Variants in PITRM1 observed in about 807,000 individuals in gnomAD.
The protein encoded by PITRM1 is pitrilysin metallopeptidase 1, also known as presequence protease, mitochondrial.
In PITRM1, 100 loss-of-function variants were observed where a neutral mutation model predicts 129.9. That is an observed-to-expected ratio of 0.77 (90% CI 0.65 to 0.91). The LOEUF is 0.91. Among genes scored for constraint, PITRM1 ranks in the 40% least tolerant of loss-of-function variants. PITRM1 has a pLI of 0.00. For missense variants in PITRM1, 1,471 were observed against 1,318.3 expected (o/e 1.12, Z -1.79); for synonymous variants, 591 against 508.8 (o/e 1.16, Z -2.17).
intron 21 of PITRM1, 112 bp downstream of exon 21, chr10:3,145,484 T>C: frequency 2.3e-6 from 2 of 860,786 alleles, no homozygotes; most frequent in Admixed American, 2.6e-5. Context: ...ACGGGGGATA[T>C]GAACCCCCAC....
At chr10:3,144,522 G>A (rs1367636337) in intron 21 of PITRM1, among the ~76,000 whole-genome samples, 156 bp from the exon 22 acceptor site, 1 of 143,096 alleles carries the variant, frequency 7.0e-6, no homozygotes, top group African/African-American at 2.6e-5. Flanking sequence ...AATAAAAATA[G>A]GCTGGGCAGA....
chr10:3,152,879 G>A (rs1435021396), intron 14 of PITRM1, among the ~76,000 whole-genome samples: 1 of 152,208 alleles, frequency 6.6e-6, no homozygotes, highest in Non-Finnish European at 1.5e-5. Flanking sequence ...GGTAGAAAAA[G>A]CCTCTGGCAC....
At position 3,156,954 on chromosome 10, in the gene PITRM1, T is replaced by C; in HGVS notation, c.1458A>G (p.Gln486=). 1.3e-6 allele frequency: 2 copies of C among 1,585,442 alleles called. No homozygotes were observed. Among genetic ancestry groups the C allele is most frequent in the Non-Finnish European group, 1.7e-6 (2 of 1,168,956 alleles). The change falls in exon 13 of 27, where the codon CAA becomes CAG. Residue 486 remains glutamine (Q), a synonymous_variant. Coordinates refer to ENST00000224949, the MANE Select transcript of PITRM1 (RefSeq NM_014889.4). ...QCLQENPKFL[Q]EKVKQYFKNN... Reference sequence around the variant, plus strand: ...CCTTAAAATACTGTTTTACTTTTTCTTGCAAAAATTTTGGATTTTCCTGCA... The same window carrying C: ...CCTTAAAATACTGTTTTACTTTTTCCTGCAAAAATTTTGGATTTTCCTGCA...
In PITRM1 at chr10:3,165,237, C is replaced by G. The variant is rs1842761729; in HGVS notation, c.630+1G>C. On this transcript the variant is annotated splice_donor_variant, in intron 6 of 26. Coordinates refer to ENST00000224949, the MANE Select transcript of PITRM1 (RefSeq NM_014889.4). LOFTEE classifies it high-confidence loss of function. Reference sequence around the variant, plus strand: ...CAACATAAAAAAGGAAGAAAACTTACAAACGCTCCCTTCATCTCATTAAAG... The same window carrying G: ...CAACATAAAAAAGGAAGAAAACTTAGAAACGCTCCCTTCATCTCATTAAAG... 6.4e-7 allele frequency: 1 copy of G among 1,551,430 alleles called. No homozygotes were observed. The highest frequency in any genetic ancestry group is 8.7e-7 in the Non-Finnish European group (1 of 1,150,358).
At chr10:3,140,921 T>TGC (rs1489633811) in intron 23 of PITRM1, 109 bp from the exon 24 acceptor site, 1 of 1,005,952 alleles carries the variant, frequency 9.9e-7, no homozygotes, top group African/African-American at 1.6e-5. Context: ...AAAATAATGC[T>TGC]GCATAAATTA....
intron 23 of PITRM1, chr10:3,141,808 CTGTGGTG>C: frequency 6.4e-6 from 2 of 310,248 alleles, no homozygotes; most frequent in Non-Finnish European, 6.9e-6. Flanking sequence ...TTCCCAGGGG[CTGTGGTG>C]GGAGAAGTCA....
At chr10:3,162,900 C>T (rs1347014014) in intron 7 of PITRM1, among the ~76,000 whole-genome samples, 1 of 152,058 alleles carries the variant, frequency 6.6e-6, no homozygotes, top group Non-Finnish European at 1.5e-5. Flanking sequence ...ACTAGAAAAT[C>T]TGAATATGGA....
intron 1 of PITRM1, chr10:3,172,172 G>T (rs141945002): frequency 2.2e-6 from 1 of 456,268 alleles, no homozygotes; most frequent in Non-Finnish European, 4.4e-6. Flanking sequence ...CGGCAGCGCT[G>T]AACTATTACC....
Position 3,144,315 on chromosome 10 carries a change from G to A in PITRM1, c.2509C>T (p.Gln837Ter), listed in dbSNP as rs1202682102. 1 of 1,560,944 alleles carries A rather than the reference G, an allele frequency of 6.4e-7. No individual in the cohort carries two copies. The highest frequency in any genetic ancestry group is 1.9e-5 in the Admixed American group (1 of 52,908). ...ACCATGACCAGCTTCCTAATGACCT[G>A]GGAGCCATGGGGAACGTGGGCATCT... is the stretch of plus-strand genomic sequence containing the variant. Reference protein sequence around the residue: ...GGDAHVPHGSQVIRKLVMEPT... With the variant: ...GGDAHVPHGS The change falls in exon 22 of 27, where the codon CAG becomes TAG. Residue 837 changes from glutamine (Q) to a stop codon, truncating the protein, a stop_gained. Transcript: ENST00000224949. LOFTEE classifies it high-confidence loss of function.
At chr10:3,161,699 C>T (rs1588700681) in intron 7 of PITRM1, among the ~76,000 whole-genome samples, 4 of 152,076 alleles carry the variant, frequency 2.6e-5, no homozygotes, top group Admixed American at 2.6e-4. Context: ...GCGTAGAAAC[C>T]AAAGAAGTTA....
intron 23 of PITRM1, 32 bp downstream of exon 23, chr10:3,143,356 AG>A (rs758070558): frequency 2.2e-6 from 3 of 1,333,924 alleles, no homozygotes; most frequent in Non-Finnish European, 3.2e-6. Flanking sequence ...CGTAAGGCTC[AG>A]GCCTGAGAGG....
chr10:3,157,174 A>T, intron 12 of PITRM1, 110 bp from the exon 13 acceptor site: 1 of 1,013,810 alleles, frequency 9.9e-7, no homozygotes. Flanking sequence ...AATATACCAC[A>T]GATGATTGTT....
At chr10:3,142,090 G>C (rs1353342289) in intron 23 of PITRM1, among the ~76,000 whole-genome samples, 2 of 152,198 alleles carry the variant, frequency 1.3e-5, no homozygotes, top group Non-Finnish European at 2.9e-5. Context: ...TGCCCAGGGG[G>C]AACCTCCACA....
chr10:3,138,154 G>C (rs367980699), intron 26 of PITRM1, 30 bp from the exon 27 acceptor site: 61 of 1,576,380 alleles, frequency 3.9e-5, no homozygotes, highest in Admixed American at 1.2e-4. Context: ...GGTCAGCAAG[G>C]ACTGGCTTCT....
rs576962834 is a variant in PITRM1, at chr10:3,165,321, G to C, written c.547C>G (p.Arg183Gly). Reference sequence around the variant, plus strand: ...TCGCTCGGATTCTCATGTTCCAGCCGCCATCCTTCCTGCCTGAGGACAAAT... The same window carrying C: ...TCGCTCGGATTCTCATGTTCCAGCCCCCATCCTTCCTGCCTGAGGACAAAT... ...RELDFWQEGW[R>G]LEHENPSDPQ... The change falls in exon 6 of 27, where the codon CGG becomes GGG. Residue 183 changes from arginine (R) to glycine (G), a missense_variant. By Grantham distance (125) the Arg-to-Gly change is moderately radical (BLOSUM62 -2). Transcript: ENST00000224949. 5 of 1,591,262 alleles carry C rather than the reference G, an allele frequency of 3.1e-6. No homozygotes were observed. Among genetic ancestry groups the C allele is most frequent in the Non-Finnish European group, 4.3e-6 (5 of 1,168,984 alleles).
intron 1 of PITRM1, among the ~76,000 whole-genome samples, chr10:3,171,147 T>TAAAAAAAAAA (rs1169315061): frequency 8.1e-5 from 4 of 49,196 alleles, no homozygotes; most frequent in Admixed American, 3.0e-4. Flanking sequence ...ATCGTTCAAT[T>TAAAAAAAAAA]AAAAAAAAAA....
At chr10:3,163,933 C>T (rs1038168879) in intron 6 of PITRM1, 48 bp from the exon 7 acceptor site, 2 of 1,305,064 alleles carry the variant, frequency 1.5e-6, no homozygotes, top group African/African-American at 3.0e-5. Context: ...TAAAATAATA[C>T]ACACGTTACA....
chr10:3,143,679 G>GC (rs1564390645), intron 22 of PITRM1, 178 bp from the exon 23 acceptor site: 1 of 711,306 alleles, frequency 1.4e-6, no homozygotes, highest in Non-Finnish European at 2.6e-6. Context: ...GTGCTGGGGC[G>GC]CGAGAGCAAG....
intron 7 of PITRM1, among the ~76,000 whole-genome samples, chr10:3,161,831 AAAAAC>A (rs1323859485): frequency 1.1e-4 from 16 of 146,328 alleles, no homozygotes; most frequent in African/African-American, 3.8e-4. Context: ...AGTGGTACTA[AAAAAC>A]AAAACAAGAC....
Sources: allele counts gnomAD v4.1 joint callset (sites outside exome capture counted in the v4.1 genomes callset), GRCh38; gene constraint gnomAD v4.1.1; transcripts MANE v1.5; gene names NCBI Gene and HGNC (gene_info 2026-07-23, HGNC 2026-07-21).